Variants in EGF observed in about 807,000 individuals in gnomAD.
EGF encodes pro-epidermal growth factor.
EGF carries 95 observed loss-of-function variants against 143.8 expected under a neutral mutation model. The observed-to-expected ratio is 0.66, with a 90% CI of 0.56 to 0.78. The LOEUF is 0.78. Ranked by LOEUF, EGF falls within the 30% of genes least tolerant of loss-of-function variation. The pLI is 0.00. For missense variants in EGF, 1,320 were observed against 1,470.9 expected, an observed-to-expected ratio of 0.90 and a Z score of 1.68; for synonymous variants, 510 against 510.5, an observed-to-expected ratio of 1.00 and a Z score of 0.01.
chr4:109,999,981 G>A, intron 21 of EGF, 135 bp downstream of exon 21: 1 of 1,338,046 alleles, frequency 7.5e-7, no homozygotes, highest in Non-Finnish European at 1.0e-6. Context: ...GCTGGGTGCA[G>A]TGACCCATGC....
At chr4:109,932,360 C>CATATATATATATATATAT (rs57424246) in intron 1 of EGF, among the ~76,000 whole-genome samples, 10 of 87,034 alleles carry the variant, frequency 1.1e-4, no homozygotes, top group Non-Finnish European at 2.1e-4. Flanking sequence ...CCCATTTAGT[C>CATATATATATATATATAT]ATATATATAT....
At chr4:109,941,261 C>T in intron 2 of EGF, 116 bp downstream of exon 2, 1 of 925,298 alleles carries the variant, frequency 1.1e-6, no homozygotes. Context: ...AAATGCGTGT[C>T]TGCCAAATAT....
chr4:109,945,928 T>C (rs1433973348), intron 5 of EGF, among the ~76,000 whole-genome samples: 1 of 152,226 alleles, frequency 6.6e-6, no homozygotes, highest in Non-Finnish European at 1.5e-5. Context: ...AGGGGGTACC[T>C]ATTGTCTTTG....
At chr4:109,938,322 G>A (rs1443733579) in intron 1 of EGF, among the ~76,000 whole-genome samples, 2 of 152,156 alleles carry the variant, frequency 1.3e-5, no homozygotes, top group African/African-American at 4.8e-5. Flanking sequence ...TGAAGCTTGT[G>A]CATGTGTCAC....
At chr4:110,001,457 A>G (rs1752564323) in intron 21 of EGF, among the ~76,000 whole-genome samples, 2 of 152,234 alleles carry the variant, frequency 1.3e-5, no homozygotes, top group African/African-American at 4.8e-5. Context: ...TGTGTAATCA[A>G]TATCTTGGAT....
rs1560708126 is a variant in EGF, at chr4:109,968,703, T to TACCTACCTAC, written c.1576-268_1576-267insACCTACCTAC. On this transcript the variant is annotated intron_variant, in intron 10 of 23. Coordinates refer to ENST00000265171, the MANE Select transcript of EGF (RefSeq NM_001963.6). ...ATCTATCTATCTATCTATCTATCTA[T>TACCTACCTAC]CTATCTACCTACCTACCTACCTACC... 3.9e-3 allele frequency: 1,551 copies of TACCTACCTAC among 399,028 alleles called. 47 individuals carry two copies. The East Asian group carries it at 0.077, about 20-fold the overall frequency. 24.7% of individuals were successfully genotyped at this position (399,028 alleles called of 1,614,324 possible).
At chr4:109,918,990 A>G (rs1737203272) in intron 1 of EGF, among the ~76,000 whole-genome samples, 1 of 152,008 alleles carries the variant, frequency 6.6e-6, no homozygotes, top group Admixed American at 6.5e-5. Context: ...TCCTTAATCT[A>G]CTTCAGACCA....
intron 20 of EGF, among the ~76,000 whole-genome samples, chr4:109,998,666 G>C (rs1752147443): frequency 6.6e-6 from 1 of 152,186 alleles, no homozygotes; most frequent in African/African-American, 2.4e-5. Flanking sequence ...GTAGAGACAG[G>C]CCTAGAGCCC....
At position 109,934,710 on chromosome 4, in the gene EGF, C is replaced by G. The variant is rs894250639; in HGVS notation, c.128-6236C>G. 2.4e-4 allele frequency among the ~76,000 whole-genome samples: 36 copies of G among 152,188 alleles called. 1 individual carries two copies. The highest frequency in any genetic ancestry group is 3.2e-3 in the Middle Eastern group (1 of 316). ...ATGGTTTTAGGTCTTACATTTAAGT[C>G]TTTAATCAATCTTGAGTAAATTTTT... is the stretch of plus-strand genomic sequence containing the variant. On this transcript the variant is annotated intron_variant, in intron 1 of 23. Transcript: ENST00000265171.
chr4:109,981,915 C>T lies in EGF; in HGVS notation c.2371+940C>T, dbSNP rs539301632. On this transcript the variant is annotated intron_variant, in intron 15 of 23. Transcript: ENST00000265171. ...ATAATTCTTATTGATTCACAACAATCTTCTTGTGAAACTGGGTTTTATTTT... is the reference window on the plus strand; with the variant it reads ...ATAATTCTTATTGATTCACAACAATTTTCTTGTGAAACTGGGTTTTATTTT... Among the ~76,000 whole-genome samples the T allele has an allele frequency of 2.1e-4, 32 of 151,720 alleles. No homozygotes were observed. In the South Asian group the frequency reaches 5.0e-3, roughly 24 times the overall value.
chr4:110,003,971 G>T (rs1001269794), intron 21 of EGF, among the ~76,000 whole-genome samples: 3 of 152,066 alleles, frequency 2.0e-5, no homozygotes, highest in African/African-American at 7.2e-5. Context: ...GTGTGCCTTA[G>T]GTGAGTCACT....
At chr4:109,978,567 G>A (rs1329501461) in intron 13 of EGF, among the ~76,000 whole-genome samples, 2 of 152,130 alleles carry the variant, frequency 1.3e-5, no homozygotes, top group Non-Finnish European at 2.9e-5. Context: ...GGAGAATGGT[G>A]GTTTCCAGGG....
chr4:109,918,911 C>T (rs972001004), intron 1 of EGF, among the ~76,000 whole-genome samples: 1 of 152,222 alleles, frequency 6.6e-6, no homozygotes, highest in African/African-American at 2.4e-5. Flanking sequence ...CTTAGTCTTC[C>T]ACCACATGAG....
At chr4:109,936,885 TTGGAC>T (rs1305110030) in intron 1 of EGF, among the ~76,000 whole-genome samples, 1 of 152,222 alleles carries the variant, frequency 6.6e-6, no homozygotes, top group African/African-American at 2.4e-5. Flanking sequence ...TCCAATTTGA[TTGGAC>T]TGTGGTCTGA....
chr4:109,948,175 G>A (rs1269530089), intron 5 of EGF, among the ~76,000 whole-genome samples: 1 of 152,250 alleles, frequency 6.6e-6, no homozygotes, highest in Non-Finnish European at 1.5e-5. Context: ...TCTGCCAGCT[G>A]CAGAGCCACA....
At chr4:109,944,988 A>G (rs1742585532) in intron 4 of EGF, 85 bp from the exon 5 acceptor site, 1 of 1,422,094 alleles carries the variant, frequency 7.0e-7, no homozygotes, top group Non-Finnish European at 9.8e-7. Flanking sequence ...TAAAACTTAG[A>G]CAATAAATTG....
chr4:109,938,593 G>A (rs1167959439), intron 1 of EGF, among the ~76,000 whole-genome samples: 2 of 152,158 alleles, frequency 1.3e-5, no homozygotes, highest in Non-Finnish European at 2.9e-5. Flanking sequence ...AAAAGAAGAG[G>A]CAATCTGGTT....
intron 10 of EGF, among the ~76,000 whole-genome samples, chr4:109,966,573 T>C (rs1480919710): frequency 6.6e-6 from 1 of 152,166 alleles, no homozygotes; most frequent in African/African-American, 2.4e-5. Flanking sequence ...GTGGGATTGC[T>C]GGATTAAAAA....
At chr4:109,943,562 G>T (rs1231566600) in intron 3 of EGF, 127 bp downstream of exon 3, 3 of 1,066,386 alleles carry the variant, frequency 2.8e-6, no homozygotes, top group Non-Finnish European at 4.2e-6. Context: ...CAGCACACAG[G>T]CACCGTTTTC....
Sources: allele counts gnomAD v4.1 joint callset (sites outside exome capture counted in the v4.1 genomes callset), GRCh38; gene constraint gnomAD v4.1.1; transcripts MANE v1.5; gene names NCBI Gene and HGNC (gene_info 2026-07-23, HGNC 2026-07-21).